SLC39A10: variants seen among roughly 807,000 people sequenced by gnomAD.
The protein encoded by SLC39A10 is solute carrier family 39 member 10, also known as zinc transporter ZIP10.
Under a neutral mutation model 65.1 loss-of-function variants are expected in SLC39A10, and 13 were observed. The observed-to-expected ratio is 0.20, with a 90% CI of 0.13 to 0.32. The LOEUF (loss-of-function observed/expected upper bound fraction) is 0.32. Among genes scored for constraint, SLC39A10 ranks in the 10% least tolerant of loss-of-function variants. The pLI is 1.00. For synonymous variants in SLC39A10, 321 were observed against 342.2 expected, an observed-to-expected ratio of 0.94 and a Z score of 0.68; for missense variants, 831 against 1,018.4, an observed-to-expected ratio of 0.82 and a Z score of 2.50.
chr2:195,692,964 G>T (rs1690801225), intron 3 of SLC39A10, among the ~76,000 whole-genome samples: 1 of 152,146 alleles, frequency 6.6e-6, no homozygotes, highest in African/African-American at 2.4e-5. Flanking sequence ...CCGTGGGTTT[G>T]TCATAGATGG....
At chr2:195,648,544 G>A (rs1375661740) in intron 2 of SLC39A10, among the ~76,000 whole-genome samples, 1 of 152,094 alleles carries the variant, frequency 6.6e-6, no homozygotes, top group Non-Finnish European at 1.5e-5. Flanking sequence ...CAGGCATGGT[G>A]GTGCATGCCT....
chr2:195,710,075 G>A (rs1691556038), intron 5 of SLC39A10, among the ~76,000 whole-genome samples: 1 of 152,132 alleles, frequency 6.6e-6, no homozygotes, highest in Admixed American at 6.5e-5. Context: ...TTGACGCTTG[G>A]TTGAACTGTT....
At chr2:195,677,338 G>T (rs1191004949) in intron 1 of SLC39A10, among the ~76,000 whole-genome samples, 1 of 152,060 alleles carries the variant, frequency 6.6e-6, no homozygotes, top group Admixed American at 6.6e-5. Flanking sequence ...AGTGCTTGAG[G>T]CTAGGAGTTT....
At chr2:195,618,244 G>A (rs1364808550) in intron 2 of SLC39A10, among the ~76,000 whole-genome samples, 6 of 151,752 alleles carry the variant, frequency 4.0e-5, no homozygotes, top group Non-Finnish European at 8.8e-5. Context: ...CCAGCTACGC[G>A]GGAGGCTGAG....
intron 2 of SLC39A10, among the ~76,000 whole-genome samples, chr2:195,682,969 C>T (rs1054451613): frequency 6.6e-6 from 1 of 151,524 alleles, no homozygotes; most frequent in African/African-American, 2.4e-5. Context: ...GGTAGCAAGT[C>T]AATAAACAAG....
chr2:195,678,953 A>G (rs1433908898), intron 1 of SLC39A10, among the ~76,000 whole-genome samples: 3 of 152,318 alleles, frequency 2.0e-5, no homozygotes, highest in Middle Eastern at 6.8e-3. Context: ...CTCTTATTAT[A>G]TTTCTAGATT....
intron 2 of SLC39A10, among the ~76,000 whole-genome samples, chr2:195,626,665 C>T (rs571953071): frequency 1.4e-3 from 210 of 152,102 alleles, no homozygotes; most frequent in African/African-American, 4.5e-3. Flanking sequence ...AATACCAAAC[C>T]ACCTATCTAG....
chr2:195,716,452 T>A (rs1391149538), intron 6 of SLC39A10, among the ~76,000 whole-genome samples, 185 bp from the exon 7 acceptor site: 1 of 152,210 alleles, frequency 6.6e-6, no homozygotes, highest in African/African-American at 2.4e-5. Flanking sequence ...GTTTTGCTTA[T>A]TTTTTAATTT....
intron 1 of SLC39A10, among the ~76,000 whole-genome samples, chr2:195,661,406 A>G (rs1253373514): frequency 2.0e-5 from 3 of 152,202 alleles, no homozygotes; most frequent in Non-Finnish European, 4.4e-5. Context: ...AAATAATAGT[A>G]TGTATTTATT....
At chr2:195,734,748 T>C (rs1022144498) in intron 9 of SLC39A10, 135 bp from the exon 10 acceptor site, 7 of 828,102 alleles carry the variant, frequency 8.5e-6, no homozygotes, top group East Asian at 2.9e-5. Flanking sequence ...GTGGGTAGCA[T>C]TGTGTTCAAT....
At chr2:195,665,391 A>G (rs567817978) in intron 1 of SLC39A10, among the ~76,000 whole-genome samples, 1 of 152,354 alleles carries the variant, frequency 6.6e-6, no homozygotes, top group South Asian at 2.1e-4. Flanking sequence ...GGATGGCTTC[A>G]GCCCAGGAAT....
chr2:195,643,149 C>A (rs1196716941), intron 2 of SLC39A10, among the ~76,000 whole-genome samples: 1 of 152,116 alleles, frequency 6.6e-6, no homozygotes, highest in African/African-American at 2.4e-5. Context: ...GAAGTCACTG[C>A]CTCAAAGTAA....
chr2:195,634,566 T>A (rs562973202), intron 2 of SLC39A10, among the ~76,000 whole-genome samples: 9 of 152,336 alleles, frequency 5.9e-5, no homozygotes, highest in Non-Finnish European at 1.0e-4. Flanking sequence ...ACTCTGGTAA[T>A]CAGGATTTTG....
chr2:195,694,332 G>GT (rs2105791616), intron 3 of SLC39A10, among the ~76,000 whole-genome samples: 1 of 152,282 alleles, frequency 6.6e-6, no homozygotes, highest in South Asian at 2.1e-4. Context: ...TTAGGGTATA[G>GT]TTTAAGTTCA....
chr2:195,715,146 C>T (rs534681110), intron 6 of SLC39A10, among the ~76,000 whole-genome samples: 1 of 152,202 alleles, frequency 6.6e-6, no homozygotes, highest in Non-Finnish European at 1.5e-5. Flanking sequence ...CCTATAATAG[C>T]TGATTTTAAA....
At chr2:195,678,082 C>T (rs1033642390) in intron 1 of SLC39A10, among the ~76,000 whole-genome samples, 5 of 152,102 alleles carry the variant, frequency 3.3e-5, no homozygotes, top group African/African-American at 7.2e-5. Context: ...ATAATGATTA[C>T]GTGAATATTC....
chr2:195,633,409 C>T (rs1574206259), intron 2 of SLC39A10, among the ~76,000 whole-genome samples: 1 of 152,252 alleles, frequency 6.6e-6, no homozygotes. Context: ...ATACCGATGA[C>T]CCCTGAAGCC....
At chr2:195,629,401 A>G (rs1688538973) in intron 2 of SLC39A10, among the ~76,000 whole-genome samples, 1 of 151,716 alleles carries the variant, frequency 6.6e-6, no homozygotes, top group South Asian at 2.1e-4. Context: ...TCAAAAAAAA[A>G]AAAAAAAAAG....
chr2:195,683,575 A>G lies in SLC39A10; in HGVS notation c.1009-124A>G, dbSNP rs564283425. On this transcript the variant is annotated intron_variant, in intron 2 of 9. Transcript: ENST00000359634. ...TATTAAAAAGTTTTATTTGTAATAGATATCTATGTATTACAGATTATTTGC... is the reference window on the plus strand; with the variant it reads ...TATTAAAAAGTTTTATTTGTAATAGGTATCTATGTATTACAGATTATTTGC... 1.4e-4 allele frequency: 96 copies of G among 682,264 alleles called. No homozygotes were observed. In the African/African-American group the frequency reaches 1.6e-3, roughly 11 times the overall value. 42.3% of individuals were successfully genotyped at this position (682,264 alleles called of 1,614,324 possible). A position where few individuals can be genotyped will look rare whatever the true frequency, so the allele number is the denominator to read the frequency against.
Sources: allele counts gnomAD v4.1 joint callset (sites outside exome capture counted in the v4.1 genomes callset), GRCh38; gene constraint gnomAD v4.1.1; transcripts MANE v1.5; gene names NCBI Gene and HGNC (gene_info 2026-07-23, HGNC 2026-07-21).